The following POLA1 variants were observed in gnomAD, a reference collection of about 807,000 sequenced individuals.
The protein encoded by POLA1 is DNA polymerase alpha catalytic subunit.
Under a neutral mutation model 124.0 loss-of-function variants are expected in POLA1, and 15 were observed. The ratio of observed to expected loss-of-function variants is 0.12; its 90% CI spans 0.08 to 0.19. The LOEUF (loss-of-function observed/expected upper bound fraction) is 0.19. POLA1 is among the 10% of genes least tolerant of loss of function. The pLI is 1.00. For missense variants in POLA1, 886 were observed against 1,103.4 expected (o/e 0.80, Z 2.79); for synonymous variants, 408 against 389.4 (o/e 1.05, Z -0.56).
chrX:24,952,748 G>C (rs945015373), intron 36 of POLA1, among the ~76,000 whole-genome samples: 1 of 112,175 alleles, frequency 8.9e-6, no homozygotes, highest in East Asian at 2.8e-4. Context: ...AGAAAGAAAT[G>C]AGATATGTTG....
At chrX:24,740,150 C>G (rs959287614) in intron 20 of POLA1, among the ~76,000 whole-genome samples, 1 of 111,760 alleles carries the variant, frequency 8.9e-6, no homozygotes, top group Non-Finnish European at 1.9e-5. Context: ...AAATTGAGCT[C>G]TGATCTTCTA....
At chrX:24,891,043 AAG>A (rs2047137108) in intron 35 of POLA1, among the ~76,000 whole-genome samples, 4 of 112,583 alleles carry the variant, frequency 3.6e-5, no homozygotes, top group Non-Finnish European at 7.5e-5. Context: ...CATTCTTGGT[AAG>A]AGAAGGTAAA....
intron 26 of POLA1, among the ~76,000 whole-genome samples, chrX:24,806,638 G>T (rs1001185999): frequency 4.5e-5 from 5 of 111,607 alleles, no homozygotes; most frequent in Non-Finnish European, 9.4e-5. Context: ...GAGGTCCACA[G>T]AAATCGGTAC....
rs1393715730 is a variant in POLA1, at chrX:24,967,512, T to G, written c.4262-28293T>G. Reference sequence around the variant, plus strand: ...TGGCGAAACCCATTTTATACAAAATTTAGCCAGTTGCAGTCGTGCATGCCT... The same window carrying G: ...TGGCGAAACCCATTTTATACAAAATGTAGCCAGTTGCAGTCGTGCATGCCT... On this transcript the variant is annotated intron_variant, in intron 36 of 36. Coordinates refer to ENST00000379068, the MANE Select transcript of POLA1 (RefSeq NM_001330360.2). 3.7e-5 allele frequency among the ~76,000 whole-genome samples: 4 copies of G among 109,380 alleles called. No homozygotes were observed. In the East Asian group the frequency reaches 1.1e-3, roughly 31 times the overall value. The allele number at this position is 109,380 out of a possible 115,157, so 95.0% of individuals were successfully genotyped here.
Position 24,738,190 on chromosome X carries a change from G to C in POLA1, c.2040+449G>C, listed in dbSNP as rs941490463. ...ATTGCGCCACTGCAGTCCGCAGTCC[G>C]GCCTGGGCGACAGAGCGAGACTCCG... On this transcript the variant is annotated intron_variant, in intron 19 of 36. Transcript: ENST00000379068. 9.2e-5 allele frequency among the ~76,000 whole-genome samples: 8 copies of C among 87,420 alleles called. No individual in the cohort carries two copies. The Admixed American group carries it at 9.5e-4, about 10-fold the overall frequency. 75.9% of individuals were successfully genotyped at this position (87,420 alleles called of 115,157 possible). A position where few individuals can be genotyped will look rare whatever the true frequency, so the allele number is the denominator to read the frequency against.
chrX:24,789,435 G>A (rs977633639), intron 26 of POLA1, among the ~76,000 whole-genome samples: 1 of 111,311 alleles, frequency 9.0e-6, no homozygotes, highest in African/African-American at 3.3e-5. Flanking sequence ...AAAATACTTA[G>A]GAGTAAATTA....
At chrX:24,829,761 G>A (rs1162623999) in intron 32 of POLA1, among the ~76,000 whole-genome samples, 1 of 112,205 alleles carries the variant, frequency 8.9e-6, no homozygotes, top group Admixed American at 9.5e-5. Context: ...GGGAGATGGG[G>A]AAGTGGTGGC....
chrX:24,699,283 AATT>A (rs1928244437), intron 1 of POLA1, 139 bp from the exon 2 acceptor site: 1 of 404,250 alleles, frequency 2.5e-6, no homozygotes, highest in African/African-American at 2.5e-5. Context: ...GAGCTTTGTG[AATT>A]ATTTACATTA....
chrX:24,911,816 T>C (rs2047452677), intron 35 of POLA1, among the ~76,000 whole-genome samples: 1 of 112,071 alleles, frequency 8.9e-6, no homozygotes, highest in South Asian at 3.7e-4. Flanking sequence ...TATTTGACAA[T>C]TTAAACATAA....
At chrX:24,902,638 C>T (rs1298172292) in intron 35 of POLA1, among the ~76,000 whole-genome samples, 1 of 111,666 alleles carries the variant, frequency 9.0e-6, no homozygotes, top group Non-Finnish European at 1.9e-5. Flanking sequence ...ATCCTTATGC[C>T]TTGTCCTTCC....
chrX:24,959,291 C>G (rs1332447924), intron 36 of POLA1, among the ~76,000 whole-genome samples: 4 of 110,765 alleles, frequency 3.6e-5, no homozygotes, highest in African/African-American at 1.3e-4. Flanking sequence ...TGGTGAAACC[C>G]CGTCTCTGCT....
At chrX:24,887,778 A>G (rs2047082926) in intron 34 of POLA1, among the ~76,000 whole-genome samples, 1 of 107,566 alleles carries the variant, frequency 9.3e-6, no homozygotes, top group Admixed American at 9.9e-5. Context: ...AAAAAATAAC[A>G]TCTCATGTGA....
At chrX:24,864,264 G>A (rs2046761016) in intron 34 of POLA1, among the ~76,000 whole-genome samples, 1 of 111,463 alleles carries the variant, frequency 9.0e-6, no homozygotes, top group Admixed American at 9.5e-5. Context: ...TTACAGGCGT[G>A]AGCCACCGCA....
chrX:24,715,048 G>T (rs778107422), intron 5 of POLA1, 93 bp from the exon 6 acceptor site: 10 of 609,981 alleles, frequency 1.6e-5, no homozygotes, highest in African/African-American at 6.6e-5. Context: ...GGACTAACTG[G>T]CTAGGTCCTT....
chrX:24,956,272 G>C (rs927819382), intron 36 of POLA1, among the ~76,000 whole-genome samples: 1 of 109,340 alleles, frequency 9.1e-6, no homozygotes, highest in African/African-American at 3.3e-5. Flanking sequence ...TAGCCTGGGT[G>C]ACAAAGCAAG....
At chrX:24,951,081 T>C (rs2048033048) in intron 36 of POLA1, among the ~76,000 whole-genome samples, 1 of 111,374 alleles carries the variant, frequency 9.0e-6, no homozygotes, top group Non-Finnish European at 1.9e-5. Flanking sequence ...TTGGTCAGCT[T>C]ATAACCAGGG....
At chrX:24,715,623 C>T (rs1012251822) in intron 6 of POLA1, among the ~76,000 whole-genome samples, 2 of 111,809 alleles carry the variant, frequency 1.8e-5, no homozygotes, top group East Asian at 2.8e-4. Flanking sequence ...AATGTAAGAA[C>T]GCCAACAAAA....
intron 26 of POLA1, among the ~76,000 whole-genome samples, chrX:24,784,674 ACT>A (rs1278869031): frequency 9.0e-6 from 1 of 110,611 alleles, no homozygotes; most frequent in African/African-American, 3.3e-5. Flanking sequence ...ACAGAACAAA[ACT>A]CTGTCTCAAA....
chrX:24,832,942 A>T lies in POLA1; in HGVS notation c.3736+6341A>T, dbSNP rs185763127. Among the ~76,000 whole-genome samples the T allele has an allele frequency of 7.2e-5, 8 of 111,399 alleles. No homozygotes were observed. The East Asian group carries it at 2.2e-3, about 31-fold the overall frequency. ...TATTTATTTCAGATGGTTTTGGGGGAACGGTTAGTGTTTGGTTATTACATA... is the reference window on the plus strand; with the variant it reads ...TATTTATTTCAGATGGTTTTGGGGGTACGGTTAGTGTTTGGTTATTACATA... On this transcript the variant is annotated intron_variant, in intron 32 of 36. Transcript: ENST00000379068.
Sources: gnomAD v4.1 joint callset for allele counts (sites outside exome capture counted in the v4.1 genomes callset) on GRCh38, gnomAD v4.1.1 for gene constraint, MANE v1.5 for transcripts, NCBI Gene and HGNC (gene_info 2026-07-23, HGNC 2026-07-21) for gene names.